PTPRE: variants seen among roughly 807,000 people sequenced by gnomAD.
The protein encoded by PTPRE is protein tyrosine phosphatase receptor type E.
In PTPRE, 51 loss-of-function variants were observed where a neutral mutation model predicts 102.0. The ratio of observed to expected loss-of-function variants is 0.50; its 90% CI spans 0.40 to 0.63. PTPRE has a LOEUF of 0.63. Ranked by LOEUF, PTPRE falls within the 30% of genes least tolerant of loss-of-function variation. PTPRE has a pLI of 0.00. For synonymous variants in PTPRE, 345 were observed against 348.2 expected, an observed-to-expected ratio of 0.99 and a Z score of 0.10; for missense variants, 752 against 915.1, an observed-to-expected ratio of 0.82 and a Z score of 2.30.
intron 2 of PTPRE, chr10:127,999,533 A>C (rs1305205885): frequency 4.1e-6 from 4 of 985,372 alleles, no homozygotes; most frequent in Non-Finnish European, 1.2e-6. Flanking sequence ...GCACAGAAGC[A>C]TTCTGCTTAC....
intron 1 of PTPRE, among the ~76,000 whole-genome samples, chr10:127,923,983 G>T (rs1381704984): frequency 6.6e-6 from 1 of 151,448 alleles, no homozygotes; most frequent in Non-Finnish European, 1.5e-5. Context: ...TCCATGATGA[G>T]TCCAGGGTAC....
At position 128,069,906 on chromosome 10, in the gene PTPRE, C is replaced by T. The variant is rs1218823963; in HGVS notation, c.1143+79C>T. ...CCTTCGCCACACAGGTGTGCAGGGC[C>T]CTGGCTCTGATGGGCACGTGGCAAC... is the stretch of plus-strand genomic sequence containing the variant. On this transcript the variant is annotated intron_variant, in intron 13 of 20. Transcript: ENST00000254667. 4 of 1,601,106 alleles carry T rather than the reference C, an allele frequency of 2.5e-6. No individual in the cohort carries two copies. In the African/African-American group the frequency reaches 5.4e-5, roughly 21 times the overall value.
chr10:127,973,846 G>A (rs1850945415), intron 1 of PTPRE, among the ~76,000 whole-genome samples: 1 of 152,164 alleles, frequency 6.6e-6, no homozygotes, highest in Admixed American at 6.5e-5. Context: ...GTCACGCTTA[G>A]CTTCCTTCCC....
Position 127,944,711 on chromosome 10 carries a change from T to A in PTPRE, c.-31+37402T>A, listed in dbSNP as rs146750082. ...CAAATGGAACTGTGTATTTGAAAGA[T>A]CTCTGTGGCTCCACGTGGATAGCAG... On this transcript the variant is annotated intron_variant, in intron 1 of 20. Transcript: ENST00000254667. This position sits in a 1 kb window ranked among gnomAD's most constrained non-coding sequence, Gnocchi z 4.2. Among the ~76,000 whole-genome samples, 4 of 152,272 alleles carry A rather than the reference T, an allele frequency of 2.6e-5. No individual in the cohort carries two copies. The highest frequency in any genetic ancestry group is 9.6e-5 in the African/African-American group (4 of 41,544).
chr10:128,007,093 TTC>T (rs910631700), intron 2 of PTPRE, among the ~76,000 whole-genome samples: 7 of 152,126 alleles, frequency 4.6e-5, no homozygotes, highest in Non-Finnish European at 7.4e-5. Flanking sequence ...ATTTTGAGGT[TTC>T]TCTCTCTCTC....
intron 1 of PTPRE, among the ~76,000 whole-genome samples, chr10:127,953,164 G>A (rs1017625303): frequency 2.0e-5 from 3 of 152,218 alleles, no homozygotes; most frequent in African/African-American, 7.2e-5. Context: ...GTCAGAACAG[G>A]AGAAGGCTCT....
At position 128,061,096 on chromosome 10, in the gene PTPRE, G is replaced by A. The variant is rs114510185; in HGVS notation, c.588+81G>A. 1,389 of 1,411,630 alleles carry A rather than the reference G, an allele frequency of 9.8e-4. 14 individuals carry two copies. The African/African-American group carries it at 0.017, about 17-fold the overall frequency. The allele number at this position is 1,411,630 out of a possible 1,614,324, so 87.4% of individuals were successfully genotyped here. A position where few individuals can be genotyped will look rare whatever the true frequency, so the allele number is the denominator to read the frequency against. ...CACTTTCTTGTCTGGTGCCCGGAGT[G>A]TAAATTGTCACAACCTTTCTGGGCA... On this transcript the variant is annotated intron_variant, in intron 8 of 20. Transcript: ENST00000254667.
chr10:127,982,127 T>G (rs1395477761), intron 1 of PTPRE, 147 bp from the exon 2 acceptor site: 1 of 355,874 alleles, frequency 2.8e-6, no homozygotes, highest in Non-Finnish European at 5.2e-6. Context: ...AGAAGTATCA[T>G]CTAGATAAAG....
chr10:128,038,936 G>A (rs1022871912), intron 2 of PTPRE, among the ~76,000 whole-genome samples: 4 of 152,090 alleles, frequency 2.6e-5, no homozygotes, highest in African/African-American at 4.8e-5. Flanking sequence ...GAGCACTTCC[G>A]GACCTCAGTG....
At chr10:127,914,329 C>A (rs993013978) in intron 1 of PTPRE, among the ~76,000 whole-genome samples, 2 of 152,176 alleles carry the variant, frequency 1.3e-5, no homozygotes, top group African/African-American at 4.8e-5. Context: ...TCCTTTATTG[C>A]AATGCAAGAA....
At chr10:127,976,183 T>A (rs992732774) in intron 1 of PTPRE, among the ~76,000 whole-genome samples, 2 of 152,166 alleles carry the variant, frequency 1.3e-5, no homozygotes, top group Non-Finnish European at 2.9e-5. Context: ...ATCTGAGAAG[T>A]GTCCATGCCC....
At chr10:128,003,254 A>G (rs1207796505) in intron 2 of PTPRE, among the ~76,000 whole-genome samples, 8 of 152,184 alleles carry the variant, frequency 5.3e-5, no homozygotes, top group Admixed American at 5.2e-4. Context: ...TGGGCCCCAT[A>G]GAGTGTAGCT....
chr10:128,057,503 A>T (rs949783896), intron 7 of PTPRE, among the ~76,000 whole-genome samples: 1 of 152,192 alleles, frequency 6.6e-6, no homozygotes, highest in Non-Finnish European at 1.5e-5. Context: ...AATTGAGTTC[A>T]TCTGCTCTGT....
chr10:127,914,338 A>T (rs777146640), intron 1 of PTPRE, among the ~76,000 whole-genome samples: 12 of 152,250 alleles, frequency 7.9e-5, no homozygotes, highest in Non-Finnish European at 1.8e-4. Context: ...GCAATGCAAG[A>T]ACAGACTGAC....
intron 1 of PTPRE, among the ~76,000 whole-genome samples, chr10:127,949,264 A>C (rs1848846842): frequency 6.6e-6 from 1 of 151,940 alleles, no homozygotes; most frequent in South Asian, 2.1e-4. Context: ...CCTCAAGTAA[A>C]TCCCTTCCCA....
At chr10:128,061,546 CCTT>C in intron 8 of PTPRE, 130 bp from the exon 9 acceptor site, 1 of 1,107,322 alleles carries the variant, frequency 9.0e-7, no homozygotes, top group Non-Finnish European at 1.3e-6. Flanking sequence ...AGTTTTCTTT[CCTT>C]CTTAACCTTT....
chr10:127,927,386 G>A (rs7089111), intron 1 of PTPRE, among the ~76,000 whole-genome samples: 3 of 151,992 alleles, frequency 2.0e-5, no homozygotes, highest in Non-Finnish European at 4.4e-5. Flanking sequence ...AAGACACTCC[G>A]CATGAGAGGG....
chr10:128,037,155 CT>C (rs1221127445), intron 2 of PTPRE, among the ~76,000 whole-genome samples: 1 of 152,160 alleles, frequency 6.6e-6, no homozygotes, highest in African/African-American at 2.4e-5. Context: ...AAAATGAGCC[CT>C]TAGGGCCAAG....
chr10:128,072,243 T>C (rs1850836222), intron 16 of PTPRE, 29 bp downstream of exon 16: 1 of 1,577,398 alleles, frequency 6.3e-7, no homozygotes, highest in Admixed American at 1.7e-5. Context: ...GTTGTGTTTA[T>C]GCAGATGTGT....
Sources: allele counts gnomAD v4.1 joint callset (sites outside exome capture counted in the v4.1 genomes callset), GRCh38; gene constraint gnomAD v4.1.1; non-coding constraint Gnocchi (gnomAD v3.1); transcripts MANE v1.5; gene names NCBI Gene and HGNC (gene_info 2026-07-23, HGNC 2026-07-21).